Variants in RABGEF1 observed in about 807,000 individuals in gnomAD.
The protein encoded by RABGEF1 is rab5 GDP/GTP exchange factor.
Under a neutral mutation model 57.3 loss-of-function variants are expected in RABGEF1, and 26 were observed. The ratio of observed to expected loss-of-function variants is 0.45; its 90% CI spans 0.33 to 0.63. RABGEF1 has a LOEUF of 0.63. Ranked by LOEUF, RABGEF1 falls within the 20% of genes least tolerant of loss-of-function variation. RABGEF1 has a pLI of 0.02. For synonymous variants in RABGEF1, 185 were observed against 210.7 expected (o/e 0.88, Z 1.06); for missense variants, 464 against 607.6 (o/e 0.76, Z 2.48).
the RABGEF1 span, among the ~76,000 whole-genome samples, chr7:66,664,016 G>A: frequency 6.6e-6 from 1 of 150,728 alleles, no homozygotes; most frequent in East Asian, 2.0e-4. Context: ...GGAGGTTGCA[G>A]TGAGCCAAGA....
chr7:66,696,303 A>G (rs1792322470), intron 1 of RABGEF1, among the ~76,000 whole-genome samples: 1 of 152,084 alleles, frequency 6.6e-6, no homozygotes, highest in Non-Finnish European at 1.5e-5. Context: ...ATCTCAAGCA[A>G]TCTGCCTGCT....
At chr7:66,695,171 G>T (rs1458076767) in intron 1 of RABGEF1, among the ~76,000 whole-genome samples, 1 of 152,156 alleles carries the variant, frequency 6.6e-6, no homozygotes. Flanking sequence ...GATAAGCCGG[G>T]CACGGTGGCG....
intron 1 of RABGEF1, among the ~76,000 whole-genome samples, chr7:66,706,144 C>T (rs1794051295): frequency 6.6e-6 from 1 of 151,134 alleles, no homozygotes; most frequent in African/African-American, 2.4e-5. Context: ...CCTCATGATC[C>T]ACCCGCCTCG....
intron 4 of RABGEF1, among the ~76,000 whole-genome samples, chr7:66,788,443 CA>C (rs966517283): frequency 2.0e-5 from 3 of 147,062 alleles, no homozygotes; most frequent in African/African-American, 7.5e-5. Context: ...GACTCCATCT[CA>C]AAAAAAAACA....
intron 7 of RABGEF1, among the ~76,000 whole-genome samples, chr7:66,804,124 C>T (rs1787917263): frequency 6.6e-6 from 1 of 150,758 alleles, no homozygotes; most frequent in Non-Finnish European, 1.5e-5. Context: ...TGCTCTGTTG[C>T]CCAGGCTGGA....
chr7:66,775,168 C>T (rs1374617487), intron 2 of RABGEF1, 59 bp from the exon 3 acceptor site: 3 of 1,528,908 alleles, frequency 2.0e-6, no homozygotes, highest in Admixed American at 4.2e-5. Flanking sequence ...TAATAACCTT[C>T]ACATACAGAG....
the RABGEF1 span, among the ~76,000 whole-genome samples, chr7:66,659,230 A>G: frequency 6.6e-6 from 1 of 151,980 alleles, no homozygotes; most frequent in East Asian, 2.0e-4. Context: ...AGGTGGGTGG[A>G]TCACAAGGTC....
At chr7:66,773,594 G>A (rs1263644603) in intron 2 of RABGEF1, 3 of 438,302 alleles carry the variant, frequency 6.8e-6, no homozygotes, top group Non-Finnish European at 1.4e-5. Flanking sequence ...AAGTTGCCTG[G>A]TGATGCTGCG....
intron 2 of RABGEF1, chr7:66,773,744 CA>C (rs1418323438): frequency 2.2e-6 from 1 of 453,654 alleles, no homozygotes; most frequent in African/African-American, 2.0e-5. Context: ...CAACTTACTG[CA>C]ACCTCTGCTT....
Position 66,809,333 on chromosome 7 carries a change from C to A in RABGEF1, c.*49C>A. On this transcript the variant is annotated 3_prime_UTR_variant, in exon 9 of 9. Coordinates refer to ENST00000284957, the MANE Select transcript of RABGEF1 (RefSeq NM_014504.3). ...ATTTGAGCCTAAATTGTAGGTAGCC[C>A]TTACTACACTCAACTGATTGGGATC... is the stretch of plus-strand genomic sequence containing the variant. 6.5e-7 allele frequency: 1 copy of A among 1,526,802 alleles called. No homozygotes were observed. Among genetic ancestry groups the A allele is most frequent in the Non-Finnish European group, 8.8e-7 (1 of 1,130,844 alleles). 94.6% of individuals were successfully genotyped at this position (1,526,802 alleles called of 1,614,324 possible). A position where few individuals can be genotyped will look rare whatever the true frequency, so the allele number is the denominator to read the frequency against.
upstream of RABGEF1, among the ~76,000 whole-genome samples, chr7:66,677,846 G>C (rs1323164991): frequency 2.0e-5 from 3 of 150,778 alleles, no homozygotes; most frequent in Admixed American, 2.0e-4. Context: ...CTGGTGGATT[G>C]TTTGAGTCCA....
At chr7:66,708,248 A>G (rs866593075) in intron 1 of RABGEF1, among the ~76,000 whole-genome samples, 50 of 147,926 alleles carry the variant, frequency 3.4e-4, no homozygotes, top group African/African-American at 1.2e-3. Flanking sequence ...AACAATTAAC[A>G]TCTTTGTTTA....
At chr7:66,717,696 A>G (rs1470914765) in intron 2 of RABGEF1, among the ~76,000 whole-genome samples, 3 of 152,178 alleles carry the variant, frequency 2.0e-5, no homozygotes, top group African/African-American at 7.2e-5. Flanking sequence ...AGTAGCTGAG[A>G]CTAAAGGTGC....
intron 2 of RABGEF1, among the ~76,000 whole-genome samples, chr7:66,717,153 A>G (rs1267457808): frequency 1.3e-5 from 2 of 152,150 alleles, no homozygotes; most frequent in Non-Finnish European, 2.9e-5. Flanking sequence ...TTAGTATTCA[A>G]TTTTAATTTA....
upstream of RABGEF1, among the ~76,000 whole-genome samples, chr7:66,738,746 AAAAG>A (rs1456131249): frequency 6.6e-6 from 1 of 151,694 alleles, no homozygotes; most frequent in Non-Finnish European, 1.5e-5. Context: ...AAAAAAAAAA[AAAAG>A]AAACACTCAT....
exon 1 of RABGEF1, chr7:66,682,189 A>AGCT: frequency 6.0e-6 from 1 of 167,318 alleles, no homozygotes; most frequent in Non-Finnish European, 1.5e-5. Flanking sequence ...GACGTGGGCG[A>AGCT]GCGGTGACCT....
At chr7:66,696,573 C>G (rs1792366687) in intron 1 of RABGEF1, among the ~76,000 whole-genome samples, 1 of 151,636 alleles carries the variant, frequency 6.6e-6, no homozygotes, top group African/African-American at 2.4e-5. Flanking sequence ...ACCTGAATTC[C>G]CAGCTATTTG....
intron 2 of RABGEF1, among the ~76,000 whole-genome samples, chr7:66,720,641 G>C (rs1264583824): frequency 6.6e-6 from 1 of 152,084 alleles, no homozygotes; most frequent in East Asian, 1.9e-4. Flanking sequence ...TTAGAAACAA[G>C]GCAAGCATGT....
intron 1 of RABGEF1, chr7:66,769,059 G>A (rs1322178817): frequency 6.6e-6 from 1 of 152,318 alleles, no homozygotes; most frequent in African/African-American, 2.4e-5. Context: ...CTCTCTGGCT[G>A]TTAGGAGTTC....
Sources: allele counts gnomAD v4.1 joint callset (sites outside exome capture counted in the v4.1 genomes callset), GRCh38; gene constraint gnomAD v4.1.1; transcripts MANE v1.5; gene names NCBI Gene and HGNC (gene_info 2026-07-23, HGNC 2026-07-21).